Variants in SPAG16 observed in about 807,000 individuals in gnomAD.
SPAG16 encodes the protein sperm associated antigen 16.
SPAG16 carries 86 observed loss-of-function variants against 80.4 expected under a neutral mutation model. The observed-to-expected ratio is 1.07, with a 90% confidence interval of 0.90 to 1.28. The LOEUF (loss-of-function observed/expected upper bound fraction) is 1.28. SPAG16 is among the 50% of genes most tolerant of loss of function. The pLI is 0.00. For synonymous variants in SPAG16, 294 were observed against 265.9 expected (o/e 1.11, Z -1.03); for missense variants, 870 against 765.3 (o/e 1.14, Z -1.61).
chr2:214,130,991 G>A (rs754155518), intron 14 of SPAG16, among the ~76,000 whole-genome samples: 2 of 152,042 alleles, frequency 1.3e-5, no homozygotes, highest in Non-Finnish European at 2.9e-5. Context: ...ATTTTGCATC[G>A]TATTTGGCAG....
intron 10 of SPAG16, among the ~76,000 whole-genome samples, chr2:213,830,030 A>G (rs1407779231): frequency 1.3e-5 from 2 of 152,156 alleles, no homozygotes; most frequent in African/African-American, 4.8e-5. Flanking sequence ...ACTAGGTCAC[A>G]CGACCCCAAG....
chr2:214,188,765 ATC>A (rs1424845963), intron 15 of SPAG16, among the ~76,000 whole-genome samples: 2 of 152,066 alleles, frequency 1.3e-5, no homozygotes, highest in African/African-American at 2.4e-5. Flanking sequence ...AAATTTGAAA[ATC>A]TCTGTTACTG....
intron 15 of SPAG16, among the ~76,000 whole-genome samples, chr2:214,200,371 C>G (rs1003695413): frequency 6.6e-6 from 1 of 152,066 alleles, no homozygotes; most frequent in African/African-American, 2.4e-5. Context: ...TAATTCTGTT[C>G]ATGTGATGTA....
intron 10 of SPAG16, among the ~76,000 whole-genome samples, chr2:213,814,088 T>A (rs2072361115): frequency 6.6e-6 from 1 of 152,070 alleles, no homozygotes; most frequent in Admixed American, 6.6e-5. Flanking sequence ...TTTAAGAAAT[T>A]TACTGACATT....
intron 15 of SPAG16, among the ~76,000 whole-genome samples, chr2:214,191,343 A>G (rs559459968): frequency 9.2e-5 from 14 of 152,236 alleles, no homozygotes; most frequent in African/African-American, 3.4e-4. Flanking sequence ...ATACCAACTA[A>G]TGTTATACCT....
chr2:213,803,016 T>C (rs2071515634), intron 10 of SPAG16, among the ~76,000 whole-genome samples: 1 of 152,120 alleles, frequency 6.6e-6, no homozygotes. Context: ...CGTAGGAATC[T>C]TTTGGAGTTT....
At chr2:213,301,035 G>T (rs1420489585) in intron 3 of SPAG16, among the ~76,000 whole-genome samples, 2 of 152,048 alleles carry the variant, frequency 1.3e-5, no homozygotes, top group Non-Finnish European at 2.9e-5. Context: ...TGGTGCAAAA[G>T]TAATTGTGGC....
chr2:213,330,679 G>C (rs770334407), intron 5 of SPAG16, among the ~76,000 whole-genome samples: 1 of 152,158 alleles, frequency 6.6e-6, no homozygotes, highest in Non-Finnish European at 1.5e-5. Context: ...TTGGGGGACT[G>C]TTGGGAAGGC....
At chr2:214,389,233 A>G (rs1396589346) in intron 15 of SPAG16, among the ~76,000 whole-genome samples, 1 of 152,224 alleles carries the variant, frequency 6.6e-6, no homozygotes, top group Non-Finnish European at 1.5e-5. Flanking sequence ...ATGTATTTCA[A>G]AACAACTTAT....
At chr2:213,906,679 T>C (rs1378061489) in intron 11 of SPAG16, among the ~76,000 whole-genome samples, 2 of 151,940 alleles carry the variant, frequency 1.3e-5, no homozygotes, top group Non-Finnish European at 2.9e-5. Flanking sequence ...ATTAGAAAAA[T>C]GAAACAGCTT....
At chr2:213,301,317 G>A (rs1343712641) in intron 3 of SPAG16, among the ~76,000 whole-genome samples, 2 of 152,138 alleles carry the variant, frequency 1.3e-5, no homozygotes, top group African/African-American at 2.4e-5. Context: ...TTGACTTAAT[G>A]TGAATTAAGG....
At chr2:213,436,298 TG>T (rs2070635825) in intron 9 of SPAG16, among the ~76,000 whole-genome samples, 1 of 152,194 alleles carries the variant, frequency 6.6e-6, no homozygotes, top group Admixed American at 6.5e-5. Context: ...GCTAACGGAT[TG>T]GGTAGAGTGG....
intron 10 of SPAG16, among the ~76,000 whole-genome samples, chr2:213,781,507 C>T (rs1436536428): frequency 6.6e-6 from 1 of 152,110 alleles, no homozygotes; most frequent in Non-Finnish European, 1.5e-5. Flanking sequence ...CCCTCCCCTG[C>T]CCATACTTTC....
chr2:213,542,030 G>C (rs1190699240), intron 10 of SPAG16, among the ~76,000 whole-genome samples: 1 of 152,028 alleles, frequency 6.6e-6, no homozygotes, highest in Non-Finnish European at 1.5e-5. Context: ...TATTTTCATA[G>C]ACAAATTCTC....
intron 15 of SPAG16, among the ~76,000 whole-genome samples, chr2:214,243,476 CATTA>C (rs1212341690): frequency 1.3e-5 from 2 of 151,840 alleles, no homozygotes; most frequent in Admixed American, 6.6e-5. Flanking sequence ...TAATGTAAAT[CATTA>C]ATTAATCTCA....
At position 213,929,997 on chromosome 2, in the gene SPAG16, G is replaced by T. The variant is rs1423712689; in HGVS notation, c.1252G>T (p.Val418Phe). 6.2e-7 allele frequency: 1 copy of T among 1,613,482 alleles called. No homozygotes were observed. Among genetic ancestry groups the T allele is most frequent in the Non-Finnish European group, 8.5e-7 (1 of 1,179,760 alleles). ...KLATSSGDTT[V>F]KLWDLCKGDC... ...GGCTACTTCAAGTGGTGACACTACA[G>T]TTAAATTATGGGATCTATGTAAAGG... is the stretch of plus-strand genomic sequence containing the variant. The change falls in exon 12 of 16, where the codon GTT becomes TTT. Residue 418 changes from valine (V) to phenylalanine (F), a missense_variant. Physicochemically the swap from Val to Phe is conservative, Grantham distance 50 (BLOSUM62 -1). Transcript: ENST00000331683.
rs367730176 is a variant in SPAG16, at chr2:213,735,165, A to C, written c.1071-127320A>C. Reference sequence around the variant, plus strand: ...TTGAGAATGCATGCCCTATTTGATTAATAATAATGGTTATCTTTTATAAAT... The same window carrying C: ...TTGAGAATGCATGCCCTATTTGATTCATAATAATGGTTATCTTTTATAAAT... On this transcript the variant is annotated intron_variant, in intron 10 of 15. Transcript: ENST00000331683. 4.6e-4 allele frequency among the ~76,000 whole-genome samples: 70 copies of C among 152,288 alleles called. 3 individuals carry two copies. In the East Asian group the frequency reaches 7.3e-3, roughly 16 times the overall value.
At chr2:213,452,900 T>C (rs2071788459) in intron 9 of SPAG16, among the ~76,000 whole-genome samples, 1 of 152,248 alleles carries the variant, frequency 6.6e-6, no homozygotes, top group Non-Finnish European at 1.5e-5. Context: ...TTATTATTAA[T>C]TAACAAACAT....
intron 9 of SPAG16, among the ~76,000 whole-genome samples, chr2:213,435,853 T>C (rs2070606278): frequency 6.6e-6 from 1 of 152,200 alleles, no homozygotes. Flanking sequence ...TTAATATATA[T>C]GCCAAGGCTG....
Sources: gnomAD v4.1 joint callset for allele counts (sites outside exome capture counted in the v4.1 genomes callset) on GRCh38, gnomAD v4.1.1 for gene constraint, MANE v1.5 for transcripts, NCBI Gene and HGNC (gene_info 2026-07-23, HGNC 2026-07-21) for gene names.